The following CRB1 variants were observed in gnomAD, a reference collection of about 807,000 sequenced individuals.
The protein encoded by CRB1 is protein crumbs homolog 1.
A neutral mutation model predicts 120.0 loss-of-function variants in CRB1; 83 were observed. The ratio of observed to expected loss-of-function variants is 0.69; its 90% CI spans 0.58 to 0.83. The LOEUF (loss-of-function observed/expected upper bound fraction) is 0.83, where lower values mean the gene tolerates loss of function less well. Among genes scored for constraint, CRB1 ranks in the 40% least tolerant of loss-of-function variants. The probability of loss-of-function intolerance (pLI) is 0.00; values close to 1 mark genes in which losing one functional copy is unlikely to be tolerated. For missense variants in CRB1, 1,699 were observed against 1,687.6 expected (o/e 1.01, Z -0.12); for synonymous variants, 625 against 612.5 (o/e 1.02, Z -0.30).
At chr1:197,229,090 A>G in the CRB1 span, among the ~76,000 whole-genome samples, 2 of 152,174 alleles carry the variant, frequency 1.3e-5, no homozygotes, top group Non-Finnish European at 2.9e-5. Flanking sequence ...GGCAAACCGT[A>G]TCAAGGACCC....
At chr1:197,324,879 G>A (rs1035709250) in intron 1 of CRB1, among the ~76,000 whole-genome samples, 2 of 152,004 alleles carry the variant, frequency 1.3e-5, no homozygotes, top group Non-Finnish European at 2.9e-5. Flanking sequence ...TATTAAATTG[G>A]CCTCAATTTA....
chr1:197,395,915 T>C (rs554206518), intron 5 of CRB1, among the ~76,000 whole-genome samples: 1 of 152,298 alleles, frequency 6.6e-6, no homozygotes, highest in Non-Finnish European at 1.5e-5. Flanking sequence ...CTGAATGCTT[T>C]TCCCCAGAGA....
intron 5 of CRB1, among the ~76,000 whole-genome samples, chr1:197,399,493 A>G (rs1015842021): frequency 3.3e-5 from 5 of 152,144 alleles, no homozygotes; most frequent in African/African-American, 9.7e-5. Flanking sequence ...TAAATCGTTC[A>G]ATCTCTTTGA....
intron 4 of CRB1, among the ~76,000 whole-genome samples, chr1:197,349,877 G>C (rs1192468296): frequency 6.6e-6 from 1 of 151,796 alleles, no homozygotes. Flanking sequence ...GAGGCGGGTG[G>C]ATCATGAGGT....
intron 1 of CRB1, among the ~76,000 whole-genome samples, chr1:197,302,233 G>C (rs1291490797): frequency 2.0e-5 from 3 of 152,152 alleles, no homozygotes; most frequent in Non-Finnish European, 4.4e-5. Context: ...CCAGCAAAAA[G>C]ATTATGACTT....
chr1:197,378,868 T>G (rs1204447154), intron 5 of CRB1, among the ~76,000 whole-genome samples: 2 of 152,152 alleles, frequency 1.3e-5, no homozygotes, highest in African/African-American at 4.8e-5. Flanking sequence ...TCAATACATG[T>G]GTTATAAAGA....
At chr1:197,212,824 A>G in the CRB1 span, among the ~76,000 whole-genome samples, 4 of 152,310 alleles carry the variant, frequency 2.6e-5, no homozygotes, top group South Asian at 4.1e-4. Flanking sequence ...AAACAAAACA[A>G]TAGAAAATTC....
At chr1:197,296,300 C>T (rs975881736) in intron 1 of CRB1, among the ~76,000 whole-genome samples, 2 of 152,046 alleles carry the variant, frequency 1.3e-5, no homozygotes, top group African/African-American at 4.8e-5. Context: ...GCCTCACTTT[C>T]TTCATCTATA....
chr1:197,363,575 A>G (rs963373636), intron 5 of CRB1, among the ~76,000 whole-genome samples: 3 of 152,088 alleles, frequency 2.0e-5, no homozygotes, highest in African/African-American at 7.2e-5. Flanking sequence ...TATCATTGTA[A>G]AGTGGTGCTG....
intron 5 of CRB1, among the ~76,000 whole-genome samples, chr1:197,420,325 A>G (rs1664236255): frequency 6.6e-6 from 1 of 152,142 alleles, no homozygotes; most frequent in Admixed American, 6.5e-5. Flanking sequence ...CCCTAATTAG[A>G]TATATTTTTT....
intron 11 of CRB1, chr1:197,444,041 G>A (rs1020168704): frequency 1.3e-5 from 2 of 152,064 alleles, no homozygotes; most frequent in Admixed American, 6.6e-5. Context: ...GAAAACATGA[G>A]GACAGTTTAT....
At chr1:197,245,371 T>A in the CRB1 span, among the ~76,000 whole-genome samples, 11 of 152,178 alleles carry the variant, frequency 7.2e-5, no homozygotes, top group African/African-American at 2.6e-4. Context: ...ATGGTGTGCA[T>A]CTGTAGTCCC....
At chr1:197,271,352 G>A (rs10922193) in intron 1 of CRB1, among the ~76,000 whole-genome samples, 25,539 of 152,102 alleles carry the variant, frequency 0.17, 2,360 homozygotes, top group Middle Eastern at 0.25. Flanking sequence ...TGTATCTAAA[G>A]TTCTACCTTG....
At chr1:197,465,783 A>G (rs1425583181) in intron 11 of CRB1, among the ~76,000 whole-genome samples, 1 of 152,254 alleles carries the variant, frequency 6.6e-6, no homozygotes, top group African/African-American at 2.4e-5. Flanking sequence ...GTAAACTGAC[A>G]GTGACAATAG....
At position 197,328,278 on chromosome 1, in the gene CRB1, A is replaced by G. The variant is rs550098; in HGVS notation, c.71-144A>G. On this transcript the variant is annotated intron_variant, in intron 1 of 11. Coordinates refer to ENST00000367400, the MANE Select transcript of CRB1 (RefSeq NM_201253.3). ...CAATGTGCTAGGTATAGTAATGTAGATGACGTAGTTTTTTCATTAGGATGA... is the reference window on the plus strand; with the variant it reads ...CAATGTGCTAGGTATAGTAATGTAGGTGACGTAGTTTTTTCATTAGGATGA... 0.7 allele frequency: 452,374 copies of G among 649,936 alleles called. 158,892 individuals carry two copies. Among genetic ancestry groups the G allele is most frequent in the East Asian group, 0.91 (33,675 of 36,860 alleles). The allele number at this position is 649,936 out of a possible 1,614,324, so 40.3% of individuals were successfully genotyped here.
the CRB1 span, among the ~76,000 whole-genome samples, chr1:197,223,576 G>A: frequency 6.6e-6 from 1 of 152,034 alleles, no homozygotes; most frequent in Non-Finnish European, 1.5e-5. Context: ...ATTTATTATG[G>A]AAAAATGCAC....
chr1:197,290,175 G>T (rs1054501764), intron 1 of CRB1, among the ~76,000 whole-genome samples: 1 of 151,346 alleles, frequency 6.6e-6, no homozygotes, highest in African/African-American at 2.4e-5. Context: ...ACTGCATCCT[G>T]GTCATATCCC....
At chr1:197,355,696 G>A (rs1660436306) in intron 4 of CRB1, among the ~76,000 whole-genome samples, 1 of 152,188 alleles carries the variant, frequency 6.6e-6, no homozygotes, top group Admixed American at 6.5e-5. Context: ...TGAGTTTTGG[G>A]CCGGCAAGCC....
At chr1:197,413,900 C>T (rs1398030789) in intron 5 of CRB1, 5 of 456,408 alleles carry the variant, frequency 1.1e-5, no homozygotes, top group Admixed American at 9.4e-5. Context: ...GAAACTCACT[C>T]TGTCAACCTA....
Sources: gnomAD v4.1 joint callset for allele counts (sites outside exome capture counted in the v4.1 genomes callset) on GRCh38, gnomAD v4.1.1 for gene constraint, MANE v1.5 for transcripts, NCBI Gene and HGNC (gene_info 2026-07-23, HGNC 2026-07-21) for gene names.